Variants in ZNF486 observed in about 807,000 individuals in gnomAD.
The protein encoded by ZNF486 is KRAB box only protein 2.
ZNF486 carries 12 observed loss-of-function variants against 12.8 expected under a neutral mutation model. The ratio of observed to expected loss-of-function variants is 0.94; its 90% CI spans 0.60 to 1.52. The LOEUF (loss-of-function observed/expected upper bound fraction) is 1.52, where lower values mean the gene tolerates loss of function less well. Ranked by LOEUF, ZNF486 falls within the 40% of genes most tolerant of loss-of-function variation. The pLI is 0.00. For synonymous variants in ZNF486, 231 were observed against 184.9 expected (o/e 1.25, Z -2.02); for missense variants, 738 against 545.0 (o/e 1.35, Z -3.53).
intron 3 of ZNF486, among the ~76,000 whole-genome samples, chr19:20,187,747 T>C (rs2089864963): frequency 6.6e-6 from 1 of 151,952 alleles, no homozygotes; most frequent in Admixed American, 6.6e-5. Flanking sequence ...TCGTGATCCA[T>C]CCGCCTCGGC....
chr19:20,167,268 G>T lies in ZNF486; in HGVS notation c.-63G>T. On this transcript the variant is annotated 5_prime_UTR_variant, in exon 1 of 4. Coordinates refer to ENST00000335117, the MANE Select transcript of ZNF486 (RefSeq NM_052852.4). ...GCCTCTTCGCTACTCTGTGTCCTCT[G>T]CTCCTAGAGGCCCACCCTCTGTGGC... The T allele has an allele frequency of 2.1e-5, 33 of 1,605,486 alleles. No homozygotes were observed. The highest frequency in any genetic ancestry group is 2.7e-5 in the Non-Finnish European group (32 of 1,172,182).
chr19:20,196,847 G>T, intron 3 of ZNF486, 117 bp from the exon 4 acceptor site: 1 of 1,284,030 alleles, frequency 7.8e-7, no homozygotes, highest in Non-Finnish European at 1.0e-6. Flanking sequence ...TACAGCTTGT[G>T]GCATTTTGCT....
intron 3 of ZNF486, among the ~76,000 whole-genome samples, chr19:20,196,688 T>C (rs1555717993): frequency 1.3e-5 from 2 of 152,230 alleles, no homozygotes; most frequent in African/African-American, 2.4e-5. Flanking sequence ...CTGTTGCATA[T>C]AAGTAACAGA....
At chr19:20,171,741 C>T (rs190816466) in intron 1 of ZNF486, among the ~76,000 whole-genome samples, 9 of 152,204 alleles carry the variant, frequency 5.9e-5, no homozygotes, top group East Asian at 5.8e-4. Flanking sequence ...ATTTTTGGTT[C>T]GATGTACACA....
intron 3 of ZNF486, among the ~76,000 whole-genome samples, chr19:20,195,062 C>T (rs1478658432): frequency 6.6e-6 from 1 of 152,002 alleles, no homozygotes; most frequent in Non-Finnish European, 1.5e-5. Flanking sequence ...GGCTGGAGTG[C>T]AGTGGCGTGT....
chr19:20,197,784 C>T lies in ZNF486; in HGVS notation c.1074C>T (p.Ala358=), dbSNP rs1555718301. 5 of 1,612,860 alleles carry T rather than the reference C, an allele frequency of 3.1e-6. No individual in the cohort carries two copies. The highest frequency in any genetic ancestry group is 4.2e-6 in the Non-Finnish European group (5 of 1,179,630). ...ACAAATGTGAAGAATGTGGCAAAGC[C>T]TTCACCCGCTCCTCACACCTTACTA... ...KPYKCEECGK[A]FTRSSHLTMH... is the part of the protein sequence containing the mutation. Residue 358 remains alanine, a synonymous_variant, in exon 4 of 4, where the codon GCC becomes GCT. Transcript: ENST00000335117.
At position 20,198,318 on chromosome 19, in the gene ZNF486, G is replaced by T. The variant is rs1294563717; in HGVS notation, c.*216G>T. 2.8e-5 allele frequency: 14 copies of T among 504,164 alleles called. No individual in the cohort carries two copies. Among genetic ancestry groups the T allele is most frequent in the Non-Finnish European group, 4.9e-5 (14 of 285,124 alleles). 31.2% of individuals were successfully genotyped at this position (504,164 alleles called of 1,614,324 possible). A position where few individuals can be genotyped will look rare whatever the true frequency, so the allele number is the denominator to read the frequency against. On this transcript the variant is annotated 3_prime_UTR_variant, in exon 4 of 4. Transcript: ENST00000335117. Reference sequence around the variant, plus strand: ...GGGTTTCTCCATGTTGGTCAGGCTGGTCTCAATCTCCTAACCTCAGGTGGT... The same window carrying T: ...GGGTTTCTCCATGTTGGTCAGGCTGTTCTCAATCTCCTAACCTCAGGTGGT...
In ZNF486 at chr19:20,180,583, T is replaced by C. The variant is rs142557239; in HGVS notation, c.31-3773T>C. On this transcript the variant is annotated intron_variant, in intron 1 of 3. Transcript: ENST00000335117. ...GAATAGAATAATTGTTATTATAATT[T>C]TTTTTCTTTAGTCAGAATCTCACTG... 1.2e-4 allele frequency among the ~76,000 whole-genome samples: 18 copies of C among 152,296 alleles called. No individual in the cohort carries two copies. The East Asian group carries it at 3.1e-3, about 26-fold the overall frequency.
intron 3 of ZNF486, among the ~76,000 whole-genome samples, chr19:20,194,296 G>T (rs1237134178): frequency 6.6e-6 from 1 of 152,144 alleles, no homozygotes; most frequent in Non-Finnish European, 1.5e-5. Context: ...CTCAGGATTT[G>T]GTTATTTTGG....
chr19:20,167,385 G>A, intron 1 of ZNF486, 25 bp downstream of exon 1: 1 of 1,611,416 alleles, frequency 6.2e-7, no homozygotes, highest in Non-Finnish European at 8.5e-7. Flanking sequence ...TGGACATCCT[G>A]AGAGAGGGGA....
At chr19:20,195,613 G>C (rs1173138126) in intron 3 of ZNF486, among the ~76,000 whole-genome samples, 1 of 152,162 alleles carries the variant, frequency 6.6e-6, no homozygotes, top group Non-Finnish European at 1.5e-5. Flanking sequence ...TTAACAAAAA[G>C]CTACCTGTTA....
At chr19:20,186,794 T>A (rs924594024) in intron 3 of ZNF486, among the ~76,000 whole-genome samples, 1 of 148,058 alleles carries the variant, frequency 6.8e-6, no homozygotes. Flanking sequence ...GTTTTTTTTT[T>A]TTTTTTTGAG....
At chr19:20,170,952 T>C (rs2122624275) in intron 1 of ZNF486, among the ~76,000 whole-genome samples, 1 of 152,202 alleles carries the variant, frequency 6.6e-6, no homozygotes, top group East Asian at 1.9e-4. Context: ...TTCAGGAAGG[T>C]TTCAGGAGTC....
chr19:20,194,389 TA>T lies in ZNF486; in HGVS notation c.254-2574del, dbSNP rs560953442. Among the ~76,000 whole-genome samples the T allele has an allele frequency of 3.2e-3, 490 of 152,334 alleles. 4 individuals are homozygous for T. The highest frequency in any genetic ancestry group is 0.014 in the South Asian group (69 of 4,834). On this transcript the variant is annotated intron_variant, in intron 3 of 3. Transcript: ENST00000335117. ...CTTTTTAAAAAAATTATTATAACTT[TA>T]GCAATATCACAGTTTTTTTCTGACG...
At position 20,197,692 on chromosome 19, in the gene ZNF486, G is replaced by C. The variant is rs1226206447; in HGVS notation, c.982G>C (p.Gly328Arg). The change falls in exon 4 of 4, where the codon GGC becomes CGC. Residue 328 changes from glycine (G) to arginine (R), a missense_variant. By Grantham distance (125) the Gly-to-Arg change is moderately radical. Transcript: ENST00000335117. ...GAAACCGTACACGTGTGATAAATGT[G>C]GCAAAGCCTTTATTTCATCCTCGAT... is the stretch of plus-strand genomic sequence containing the variant. The part of the protein sequence containing the change: ...GEKPYTCDKC[G>R]KAFISSSILS... The C allele has an allele frequency of 1.9e-6, 3 of 1,613,514 alleles. No individual in the cohort carries two copies. Among genetic ancestry groups the C allele is most frequent in the Non-Finnish European group, 2.5e-6 (3 of 1,179,804 alleles).
intron 1 of ZNF486, among the ~76,000 whole-genome samples, chr19:20,180,742 T>C (rs894927643): frequency 1.3e-5 from 2 of 152,144 alleles, no homozygotes; most frequent in African/African-American, 2.4e-5. Context: ...GTCAGGCTGG[T>C]CTTGAACTCC....
intron 1 of ZNF486, 108 bp from the exon 2 acceptor site, chr19:20,184,248 T>C: frequency 1.3e-6 from 2 of 1,496,594 alleles, no homozygotes; most frequent in South Asian, 1.2e-5. Context: ...ATAATTTTAG[T>C]CAATCCTATA....
chr19:20,170,031 C>T (rs1008811618), intron 1 of ZNF486, among the ~76,000 whole-genome samples: 9 of 151,574 alleles, frequency 5.9e-5, no homozygotes, highest in Non-Finnish European at 1.0e-4. Context: ...GCTGGGACTA[C>T]AGGCGCCCGC....
chr19:20,178,356 G>C (rs1417926163), intron 1 of ZNF486, among the ~76,000 whole-genome samples: 3 of 151,960 alleles, frequency 2.0e-5, no homozygotes, highest in Admixed American at 2.0e-4. Flanking sequence ...CCATTCTCCT[G>C]CCTCAGCCTC....
Sources: allele counts gnomAD v4.1 joint callset (sites outside exome capture counted in the v4.1 genomes callset), GRCh38; gene constraint gnomAD v4.1.1; transcripts MANE v1.5; gene names NCBI Gene and HGNC (gene_info 2026-07-23, HGNC 2026-07-21).